TBC1D5: variants seen among roughly 807,000 people sequenced by gnomAD.
TBC1D5 encodes TBC1 domain family, member 5.
In TBC1D5, 75 loss-of-function variants were observed where a neutral mutation model predicts 100.3. The observed-to-expected ratio is 0.75, with a 90% CI of 0.62 to 0.91. The LOEUF (loss-of-function observed/expected upper bound fraction) is 0.91. Ranked by LOEUF, TBC1D5 falls within the 40% of genes least tolerant of loss-of-function variation. The pLI is 0.00. For missense variants in TBC1D5, 910 were observed against 942.4 expected (o/e 0.97, Z 0.45); for synonymous variants, 323 against 325.6 (o/e 0.99, Z 0.09).
Position 17,169,306 on chromosome 3 carries a change from G to A in TBC1D5, c.1853-1478C>T, listed in dbSNP as rs550761994. Among the ~76,000 whole-genome samples the A allele has an allele frequency of 9.3e-4, 141 of 152,256 alleles. 1 individual carries two copies. The highest frequency in any genetic ancestry group is 1.4e-3 in the Non-Finnish European group (98 of 68,016). On this transcript the variant is annotated intron_variant, in intron 19 of 21. Transcript: ENST00000253692. ...CACAATAAGTATTTACTGACTGATGGAATGAATTAATAAATGAACATGAAA... is the reference window on the plus strand; with the variant it reads ...CACAATAAGTATTTACTGACTGATGAAATGAATTAATAAATGAACATGAAA...
chr3:17,437,312 AC>A (rs1357913508), intron 3 of TBC1D5, among the ~76,000 whole-genome samples: 1 of 152,132 alleles, frequency 6.6e-6, no homozygotes, highest in African/African-American at 2.4e-5. Context: ...CTAAGATAAC[AC>A]ATAATAACAC....
intron 2 of TBC1D5, among the ~76,000 whole-genome samples, chr3:17,615,100 T>G (rs570525171): frequency 1.3e-5 from 2 of 152,326 alleles, no homozygotes; most frequent in East Asian, 3.9e-4. Flanking sequence ...TGAAGGGCTG[T>G]TGAATTCTGT....
chr3:17,521,464 A>G (rs928552154), intron 2 of TBC1D5, among the ~76,000 whole-genome samples: 4 of 152,210 alleles, frequency 2.6e-5, no homozygotes, highest in Non-Finnish European at 4.4e-5. Context: ...AACATACAAA[A>G]TATGTGTTAA....
chr3:17,516,556 T>C (rs1184736624), intron 2 of TBC1D5, among the ~76,000 whole-genome samples: 1 of 152,212 alleles, frequency 6.6e-6, no homozygotes, highest in Non-Finnish European at 1.5e-5. Context: ...ACATCACTTC[T>C]ATTGTTTATA....
chr3:17,420,240 G>A (rs1034692080), intron 4 of TBC1D5, among the ~76,000 whole-genome samples: 2 of 151,604 alleles, frequency 1.3e-5, no homozygotes, highest in Non-Finnish European at 2.9e-5. Flanking sequence ...GACAAACGTT[G>A]AAAAAGCACT....
chr3:17,187,876 TCTC>T (rs773735869), intron 18 of TBC1D5, among the ~76,000 whole-genome samples: 1 of 152,216 alleles, frequency 6.6e-6, no homozygotes, highest in South Asian at 2.1e-4. Context: ...CTTAAAAACT[TCTC>T]CTCTATTTAC....
chr3:17,604,135 T>G (rs190222450), intron 2 of TBC1D5, among the ~76,000 whole-genome samples: 73 of 152,158 alleles, frequency 4.8e-4, no homozygotes, highest in Non-Finnish European at 4.4e-5. Flanking sequence ...TTTTGTTTTG[T>G]TTTTTGTAGA....
At chr3:17,517,334 A>G (rs947368591) in intron 2 of TBC1D5, among the ~76,000 whole-genome samples, 4 of 152,252 alleles carry the variant, frequency 2.6e-5, no homozygotes, top group Non-Finnish European at 4.4e-5. Flanking sequence ...AGGTTAGTTC[A>G]TAAACACACT....
chr3:17,299,134 T>G (rs982657558), intron 14 of TBC1D5, among the ~76,000 whole-genome samples: 3 of 152,200 alleles, frequency 2.0e-5, no homozygotes, highest in African/African-American at 7.2e-5. Flanking sequence ...CAAGGGTTAC[T>G]TGAACACAAG....
At chr3:17,338,939 C>T (rs2088402552) in intron 13 of TBC1D5, among the ~76,000 whole-genome samples, 1 of 152,174 alleles carries the variant, frequency 6.6e-6, no homozygotes, top group Non-Finnish European at 1.5e-5. Context: ...TAAAGGAATA[C>T]TGCCTATTTA....
chr3:17,671,332 G>A (rs1249746947), intron 1 of TBC1D5, among the ~76,000 whole-genome samples: 2 of 152,086 alleles, frequency 1.3e-5, no homozygotes, highest in African/African-American at 2.4e-5. Context: ...TGCTTCTCTC[G>A]TAGATGAAAA....
At chr3:17,671,923 A>G (rs576201888) in intron 1 of TBC1D5, among the ~76,000 whole-genome samples, 1 of 152,348 alleles carries the variant, frequency 6.6e-6, no homozygotes, top group East Asian at 1.9e-4. Context: ...AACTACTGAC[A>G]TTCAATAAAT....
intron 2 of TBC1D5, among the ~76,000 whole-genome samples, chr3:17,529,406 C>A (rs1028338339): frequency 6.6e-6 from 1 of 152,132 alleles, no homozygotes. Flanking sequence ...ACACTGCCCA[C>A]CACCACTAGA....
At chr3:17,475,285 T>C (rs1338992990) in intron 3 of TBC1D5, among the ~76,000 whole-genome samples, 1 of 151,862 alleles carries the variant, frequency 6.6e-6, no homozygotes, top group Non-Finnish European at 1.5e-5. Flanking sequence ...GACTCATATA[T>C]CCATCTCCAC....
At chr3:17,588,603 A>T (rs1039634444) in intron 2 of TBC1D5, among the ~76,000 whole-genome samples, 1 of 152,218 alleles carries the variant, frequency 6.6e-6, no homozygotes, top group South Asian at 2.1e-4. Flanking sequence ...AAATGCTCAG[A>T]CCACCTCTTT....
chr3:17,619,541 C>T lies in TBC1D5; in HGVS notation c.-36+4308G>A, dbSNP rs566920059. On this transcript the variant is annotated intron_variant, in intron 2 of 21. Transcript: ENST00000253692. ...AGTTATAGTCATTTTAAACAATAGA[C>T]GAGAAAAAAAGATAAAATTCAATGT... 2.6e-4 allele frequency among the ~76,000 whole-genome samples: 39 copies of T among 151,940 alleles called. No individual in the cohort carries two copies. In the East Asian group the frequency reaches 3.3e-3, roughly 13 times the overall value.
intron 3 of TBC1D5, among the ~76,000 whole-genome samples, chr3:17,446,209 A>C (rs977117338): frequency 6.6e-6 from 1 of 152,166 alleles, no homozygotes; most frequent in African/African-American, 2.4e-5. Context: ...TATTTTAAGT[A>C]ATTTACCCCA....
intron 2 of TBC1D5, among the ~76,000 whole-genome samples, chr3:17,589,751 T>C (rs117138682): frequency 0.017 from 2,522 of 152,322 alleles, 52 homozygotes; most frequent in South Asian, 0.048. Context: ...TTAATATTTG[T>C]TGTCTACTGT....
intron 16 of TBC1D5, among the ~76,000 whole-genome samples, chr3:17,251,274 G>C (rs1307187149): frequency 2.0e-5 from 3 of 152,154 alleles, no homozygotes; most frequent in Non-Finnish European, 4.4e-5. Flanking sequence ...TAAGGCCTAG[G>C]ATGCTTTCAC....
Sources: allele counts gnomAD v4.1 joint callset (sites outside exome capture counted in the v4.1 genomes callset), GRCh38; gene constraint gnomAD v4.1.1; transcripts MANE v1.5; gene names NCBI Gene and HGNC (gene_info 2026-07-23, HGNC 2026-07-21).